The following FGF14 variants were observed in gnomAD, a reference collection of about 807,000 sequenced individuals.
The protein encoded by FGF14 is fibroblast growth factor 14.
In FGF14, 5 loss-of-function variants were observed where a neutral mutation model predicts 25.5. The ratio of observed to expected loss-of-function variants is 0.20; its 90% CI spans 0.10 to 0.41. The LOEUF (loss-of-function observed/expected upper bound fraction) is 0.41. Among genes scored for constraint, FGF14 ranks in the 10% least tolerant of loss-of-function variants. The probability of loss-of-function intolerance (pLI) is 1.00; values close to 1 mark genes in which losing one functional copy is unlikely to be tolerated. For missense variants in FGF14, 222 were observed against 320.1 expected, an observed-to-expected ratio of 0.69 and a Z score of 2.34; for synonymous variants, 138 against 118.3, an observed-to-expected ratio of 1.17 and a Z score of -1.08.
rs1478958085 is a variant in FGF14 at position 102,176,864 on chromosome 13, T to TC, written c.208+224606_208+224607insG. Among the ~76,000 whole-genome samples the TC allele has an allele frequency of 2.7e-5, 4 of 146,276 alleles. No individual in the cohort carries two copies. In the South Asian group the frequency reaches 9.1e-4, roughly 33 times the overall value. On this transcript the variant is annotated intron_variant, in intron 1 of 4. Transcript: ENST00000376131. ...AATTGTAAACATTAAACGTGTGGTTTTTTTGTATGTCAATTACACTTTAAT... is the reference window on the plus strand; with the variant it reads ...AATTGTAAACATTAAACGTGTGGTTTCTTTTGTATGTCAATTACACTTTAAT...
intron 1 of FGF14, among the ~76,000 whole-genome samples, chr13:102,144,394 T>A (rs1423668484): frequency 6.6e-6 from 1 of 152,108 alleles, no homozygotes; most frequent in African/African-American, 2.4e-5. Flanking sequence ...TGGAAGTACA[T>A]AAAAATGATT....
At chr13:102,032,843 T>C (rs528798827) in intron 1 of FGF14, among the ~76,000 whole-genome samples, 19 of 152,224 alleles carry the variant, frequency 1.2e-4, no homozygotes, top group African/African-American at 4.6e-4. Flanking sequence ...CTATGTCCTA[T>C]TCATCCCTTC....
chr13:102,246,693 A>T (rs998607851), intron 1 of FGF14, among the ~76,000 whole-genome samples: 3 of 151,996 alleles, frequency 2.0e-5, no homozygotes, highest in Non-Finnish European at 4.4e-5. Context: ...GTTCCTATCA[A>T]ACTACCAATG....
chr13:101,758,218 A>G (rs2037783853), intron 3 of FGF14, among the ~76,000 whole-genome samples: 1 of 152,214 alleles, frequency 6.6e-6, no homozygotes, highest in African/African-American at 2.4e-5. Flanking sequence ...CTAAAGAAAA[A>G]CTATGAAGGA....
intron 1 of FGF14, among the ~76,000 whole-genome samples, chr13:102,236,966 G>T (rs776391128): frequency 6.6e-6 from 1 of 151,994 alleles, no homozygotes; most frequent in Non-Finnish European, 1.5e-5. Flanking sequence ...AGTTGGTTGC[G>T]CAGGACTGCA....
chr13:102,154,163 G>T (rs955562731), intron 1 of FGF14, among the ~76,000 whole-genome samples: 1 of 152,014 alleles, frequency 6.6e-6, no homozygotes, highest in Non-Finnish European at 1.5e-5. Context: ...GAAATACAGA[G>T]AATGCCACAA....
At chr13:102,018,177 T>C (rs1023871194) in intron 1 of FGF14, among the ~76,000 whole-genome samples, 1 of 152,142 alleles carries the variant, frequency 6.6e-6, no homozygotes, top group Non-Finnish European at 1.5e-5. Flanking sequence ...CTATCTCTAG[T>C]GACTTTGAGG....
chr13:102,309,555 C>A (rs1469057907), intron 1 of FGF14, among the ~76,000 whole-genome samples: 2 of 152,152 alleles, frequency 1.3e-5, no homozygotes, highest in South Asian at 2.1e-4. Context: ...CAAGTGATTT[C>A]TCTTGCACAA....
In FGF14 at chr13:101,713,361, T is replaced by G. The variant is rs2034568462; in HGVS notation, c.*9470A>C. The G allele has an allele frequency of 6.6e-6, 1 of 152,202 alleles. No individual in the cohort carries two copies. The highest frequency in any genetic ancestry group is 2.4e-5 in the African/African-American group (1 of 41,440). The allele number at this position is 152,202 out of a possible 1,614,324, so 9.4% of individuals were successfully genotyped here. A position where few individuals can be genotyped will look rare whatever the true frequency, so the allele number is the denominator to read the frequency against. On this transcript the variant is annotated 3_prime_UTR_variant, in exon 5 of 5. Coordinates refer to ENST00000376143, the MANE Select transcript of FGF14 (RefSeq NM_004115.4). The stretch of plus-strand genomic sequence containing the variant: ...GATTCTTGCCCCTTTTCAATATATT[T>G]TGAACTTACCAATTCTGCAGTTTTG...
At chr13:102,117,186 G>A (rs2045512232) in intron 1 of FGF14, among the ~76,000 whole-genome samples, 1 of 152,144 alleles carries the variant, frequency 6.6e-6, no homozygotes, top group African/African-American at 2.4e-5. Flanking sequence ...GCTGGTGGTT[G>A]GCCCAGTCTT....
chr13:101,967,881 G>A (rs1594857709), intron 1 of FGF14: 2 of 152,534 alleles, frequency 1.3e-5, no homozygotes, highest in East Asian at 3.9e-4. Context: ...TCTGATACAT[G>A]AACACTCCCA....
At chr13:102,288,662 GCAACCTCTACCTCCTGGATT>G (rs1234546848) in intron 1 of FGF14, among the ~76,000 whole-genome samples, 2 of 152,004 alleles carry the variant, frequency 1.3e-5, no homozygotes, top group African/African-American at 4.8e-5. Flanking sequence ...TCAGCTCACT[GCAACCTCTACCTCCTGGATT>G]CAAGCAATTC....
intron 1 of FGF14, among the ~76,000 whole-genome samples, chr13:102,052,723 A>G (rs1238992364): frequency 6.6e-6 from 1 of 152,120 alleles, no homozygotes; most frequent in Non-Finnish European, 1.5e-5. Flanking sequence ...ACTTTTTCAG[A>G]CAAACAAAAG....
intron 1 of FGF14, chr13:102,394,769 CT>C (rs2058534434): frequency 6.6e-6 from 1 of 152,390 alleles, no homozygotes; most frequent in African/African-American, 2.4e-5. Flanking sequence ...GCCCGTTGGG[CT>C]CCCTCCTCCT....
chr13:102,109,840 G>A (rs1380268683), intron 1 of FGF14, among the ~76,000 whole-genome samples: 1 of 152,038 alleles, frequency 6.6e-6, no homozygotes, highest in African/African-American at 2.4e-5. Context: ...GGCTGGTCTC[G>A]AACTCCCGAC....
At chr13:102,031,164 C>T (rs778065930) in intron 1 of FGF14, among the ~76,000 whole-genome samples, 9 of 152,056 alleles carry the variant, frequency 5.9e-5, no homozygotes, top group Non-Finnish European at 1.2e-4. Flanking sequence ...AGAATATATG[C>T]ACCGGTCAAT....
intron 1 of FGF14, among the ~76,000 whole-genome samples, chr13:102,035,843 G>A (rs16959650): frequency 0.024 from 3,725 of 152,188 alleles, 172 homozygotes; most frequent in African/African-American, 0.085. Flanking sequence ...CTAAAGTGCT[G>A]TGTTGATAAG....
chr13:102,151,706 G>T (rs1316314244), intron 1 of FGF14, among the ~76,000 whole-genome samples: 1 of 151,872 alleles, frequency 6.6e-6, no homozygotes, highest in Non-Finnish European at 1.5e-5. Flanking sequence ...TTCACCATGT[G>T]GGCAAGGCTG....
intron 3 of FGF14, among the ~76,000 whole-genome samples, chr13:101,782,570 G>A (rs373327896): frequency 9.9e-5 from 15 of 152,122 alleles, no homozygotes; most frequent in East Asian, 3.9e-4. Context: ...CTCAGTGTCC[G>A]TTCTTCCCCT....
Sources: gnomAD v4.1 joint callset for allele counts (sites outside exome capture counted in the v4.1 genomes callset) on GRCh38, gnomAD v4.1.1 for gene constraint, MANE v1.5 for transcripts, NCBI Gene and HGNC (gene_info 2026-07-23, HGNC 2026-07-21) for gene names.